The following ENTPD5 variants were observed in gnomAD, a reference collection of about 807,000 sequenced individuals.
The protein encoded by ENTPD5 is nucleoside diphosphate phosphatase ENTPD5.
ENTPD5 carries 49 observed loss-of-function variants against 60.2 expected under a neutral mutation model. The ratio of observed to expected loss-of-function variants is 0.81; its 90% CI spans 0.65 to 1.03. ENTPD5 has a LOEUF of 1.03. Ranked by LOEUF, ENTPD5 falls within the 50% of genes least tolerant of loss-of-function variation. The pLI, the probability that ENTPD5 is intolerant of heterozygous loss-of-function variation, is 0.00. For missense variants in ENTPD5, 480 were observed against 507.6 expected (o/e 0.95, Z 0.52); for synonymous variants, 187 against 185.4 (o/e 1.01, Z -0.07).
downstream of ENTPD5, among the ~76,000 whole-genome samples, chr14:73,962,059 TGCCTCA>T (rs1454497491): frequency 6.6e-6 from 1 of 152,068 alleles, no homozygotes; most frequent in African/African-American, 2.4e-5. Flanking sequence ...GTGATTATCC[TGCCTCA>T]GCCTCCCAAG....
At chr14:73,955,443 T>A, downstream of ENTPD5, 1 of 1,613,690 alleles carries the variant, frequency 6.2e-7, no homozygotes, top group East Asian at 2.2e-5. Context: ...AGATCCTTTC[T>A]TTTGTAGGTT....
At chr14:74,012,012 C>T (rs1254452192) in intron 2 of ENTPD5, among the ~76,000 whole-genome samples, 2 of 152,300 alleles carry the variant, frequency 1.3e-5, no homozygotes, top group African/African-American at 2.4e-5. Context: ...CTGAAGATTA[C>T]ACATTCAAGA....
downstream of ENTPD5, chr14:73,958,165 A>G (rs542245904): frequency 1.2e-6 from 2 of 1,613,980 alleles, no homozygotes; most frequent in African/African-American, 1.3e-5. Context: ...ACGGTTCTCT[A>G]CAGGAGCAAA....
chr14:73,996,212 G>A (rs1053084239), intron 3 of ENTPD5: 3 of 985,008 alleles, frequency 3.0e-6, no homozygotes, highest in Non-Finnish European at 3.6e-6. Flanking sequence ...CTCATGAACC[G>A]CATTCACCTT....
chr14:73,980,913 C>G (rs2057661074), intron 6 of ENTPD5, among the ~76,000 whole-genome samples: 4 of 151,998 alleles, frequency 2.6e-5, no homozygotes, highest in Admixed American at 1.3e-4. Flanking sequence ...GCCTGACCAA[C>G]ATGGCGAAAC....
downstream of ENTPD5, chr14:73,961,089 T>C: frequency 3.4e-6 from 5 of 1,481,414 alleles, no homozygotes; most frequent in Non-Finnish European, 2.7e-6. Flanking sequence ...TAAGCTTTGG[T>C]TACAAACAAG....
chr14:73,999,503 A>G (rs1272246535), intron 3 of ENTPD5, among the ~76,000 whole-genome samples: 1 of 151,052 alleles, frequency 6.6e-6, no homozygotes, highest in East Asian at 1.9e-4. Context: ...CCCCCAAAAA[A>G]AACAAAGGTA....
downstream of ENTPD5, chr14:73,958,481 A>C: frequency 7.1e-7 from 1 of 1,406,472 alleles, no homozygotes; most frequent in Non-Finnish European, 9.3e-7. Context: ...GGGCCGTCTT[A>C]GGTTGTGAAA....
At chr14:73,962,764 C>G, downstream of ENTPD5, 2 of 591,762 alleles carry the variant, frequency 3.4e-6, no homozygotes. Flanking sequence ...CTGCAGTGAG[C>G]TATGATCACA....
At chr14:73,958,341 G>A (rs776859483), downstream of ENTPD5, 1 of 1,610,782 alleles carries the variant, frequency 6.2e-7, no homozygotes, top group Admixed American at 1.7e-5. Context: ...AGATTCTAGG[G>A]ACTCTGGTTT....
At chr14:73,991,135 G>T in intron 3 of ENTPD5, among the ~76,000 whole-genome samples, 1 of 151,954 alleles carries the variant, frequency 6.6e-6, no homozygotes, top group East Asian at 1.9e-4. Context: ...CTTTTTTTCT[G>T]GATGGACATT....
chr14:73,970,395 G>A (rs2057172845), intron 14 of ENTPD5, among the ~76,000 whole-genome samples: 1 of 152,076 alleles, frequency 6.6e-6, no homozygotes, highest in African/African-American at 2.4e-5. Context: ...GGGAGGCTGA[G>A]GCAGGAGAAT....
chr14:73,984,351 G>T (rs1403258761), intron 5 of ENTPD5, among the ~76,000 whole-genome samples: 1 of 152,168 alleles, frequency 6.6e-6, no homozygotes. Flanking sequence ...TGGTAGATAC[G>T]CTGCCTACCA....
At chr14:74,002,516 C>T (rs888691502) in intron 3 of ENTPD5, among the ~76,000 whole-genome samples, 2 of 151,656 alleles carry the variant, frequency 1.3e-5, no homozygotes, top group Admixed American at 6.6e-5. Flanking sequence ...ATCCTCTAGC[C>T]TCAGCCTCCT....
downstream of ENTPD5, chr14:73,958,158 G>A (rs780055948): frequency 1.9e-5 from 31 of 1,613,874 alleles, no homozygotes; most frequent in Non-Finnish European, 2.5e-5. Context: ...CCGAGTGACG[G>A]TTCTCTACAG....
intron 15 of ENTPD5, among the ~76,000 whole-genome samples, chr14:73,968,937 A>G (rs907423593): frequency 2.6e-5 from 4 of 152,204 alleles, no homozygotes; most frequent in African/African-American, 9.6e-5. Context: ...AGAAAGACCT[A>G]AGATTCAAGA....
downstream of ENTPD5, chr14:73,963,162 T>A: frequency 1.4e-6 from 1 of 717,636 alleles, no homozygotes; most frequent in Non-Finnish European, 2.5e-6. Flanking sequence ...AAATAATGAA[T>A]GATAATTTGC....
chr14:74,011,438 C>G (rs1296003930), intron 2 of ENTPD5, among the ~76,000 whole-genome samples: 1 of 152,138 alleles, frequency 6.6e-6, no homozygotes, highest in Admixed American at 6.6e-5. Flanking sequence ...CACACTCCCT[C>G]TAGAAGCTGG....
downstream of ENTPD5, chr14:73,958,025 TTTAATC>T: frequency 1.2e-6 from 1 of 827,804 alleles, no homozygotes; most frequent in Non-Finnish European, 2.1e-6. Context: ...TACTGATTTT[TTTAATC>T]TTAAATGACA....
Sources: allele counts gnomAD v4.1 joint callset (sites outside exome capture counted in the v4.1 genomes callset), GRCh38; gene constraint gnomAD v4.1.1; transcripts MANE v1.5; gene names NCBI Gene and HGNC (gene_info 2026-07-23, HGNC 2026-07-21).